Variants in SEMA5B observed in about 807,000 individuals in gnomAD.
SEMA5B encodes the protein semaphorin-5B.
SEMA5B carries 66 observed loss-of-function variants against 135.0 expected under a neutral mutation model. That is an observed-to-expected ratio of 0.49 (90% CI 0.40 to 0.60). The LOEUF (loss-of-function observed/expected upper bound fraction) is 0.60, where lower values mean the gene tolerates loss of function less well. Ranked by LOEUF, SEMA5B falls within the 20% of genes least tolerant of loss-of-function variation. The pLI is 0.00. For synonymous variants in SEMA5B, 690 were observed against 639.5 expected, an observed-to-expected ratio of 1.08 and a Z score of -1.19; for missense variants, 1,501 against 1,566.3, an observed-to-expected ratio of 0.96 and a Z score of 0.70.
intron 1 of SEMA5B, among the ~76,000 whole-genome samples, chr3:122,973,346 T>G (rs1247400799): frequency 6.6e-6 from 1 of 152,212 alleles, no homozygotes; most frequent in Non-Finnish European, 1.5e-5. Flanking sequence ...GGACATAAGC[T>G]AGTCCAACTC....
Position 122,923,754 on chromosome 3 carries a change from T to C in SEMA5B, c.1137-2A>G. The C allele has an allele frequency of 6.2e-7, 1 of 1,614,022 alleles. No individual in the cohort carries two copies. The highest frequency in any genetic ancestry group is 8.5e-7 in the Non-Finnish European group (1 of 1,179,966). On this transcript the variant is annotated splice_acceptor_variant, in intron 9 of 22. Coordinates refer to ENST00000357599, the MANE Select transcript of SEMA5B (RefSeq NM_001031702.4). LOFTEE classifies it high-confidence loss of function. ...ACAGCAGAAGCCGCGATGCTGTTTC[T>C]GAAAGGCAAGAAGTGGTGGCACAGG...
At chr3:122,951,210 A>C (rs768446585) in intron 2 of SEMA5B, among the ~76,000 whole-genome samples, 1 of 152,240 alleles carries the variant, frequency 6.6e-6, no homozygotes, top group Non-Finnish European at 1.5e-5. Flanking sequence ...AGCAAGATGC[A>C]GAACAGCTTA....
intron 2 of SEMA5B, among the ~76,000 whole-genome samples, chr3:122,959,562 A>G (rs1440305445): frequency 7.3e-6 from 1 of 137,726 alleles, no homozygotes; most frequent in Non-Finnish European, 1.5e-5. Context: ...AAGTCAACAC[A>G]CGGTAAGGAA....
intron 12 of SEMA5B, among the ~76,000 whole-genome samples, chr3:122,917,558 C>T (rs1387681399): frequency 6.6e-6 from 1 of 151,930 alleles, no homozygotes; most frequent in Non-Finnish European, 1.5e-5. Flanking sequence ...CATGTCAGGC[C>T]CCAGAGAAAA....
chr3:122,948,347 C>T (rs1939882335), intron 3 of SEMA5B, among the ~76,000 whole-genome samples, 159 bp downstream of exon 3: 1 of 152,212 alleles, frequency 6.6e-6, no homozygotes. Context: ...TTAAAACATC[C>T]AGCACCAGAG....
intron 1 of SEMA5B, among the ~76,000 whole-genome samples, chr3:122,983,887 C>T (rs1303360621): frequency 6.6e-6 from 1 of 152,064 alleles, no homozygotes. Flanking sequence ...TATCTTACCC[C>T]TGCTGTGGAA....
intron 1 of SEMA5B, among the ~76,000 whole-genome samples, chr3:122,972,460 G>T (rs1941160900): frequency 6.6e-6 from 1 of 152,100 alleles, no homozygotes; most frequent in Admixed American, 6.5e-5. Flanking sequence ...AACTCAGCCT[G>T]GATCAGTCAC....
At position 122,983,328 on chromosome 3, in the gene SEMA5B, A is replaced by T. The variant is rs1182703042; in HGVS notation, c.-38-22027T>A. 2.6e-5 allele frequency among the ~76,000 whole-genome samples: 4 copies of T among 151,950 alleles called. No individual in the cohort carries two copies. The South Asian group carries it at 8.3e-4, about 32-fold the overall frequency. On this transcript the variant is annotated intron_variant, in intron 1 of 22. Coordinates refer to ENST00000357599, the MANE Select transcript of SEMA5B (RefSeq NM_001031702.4). ...TGTCACTTATTTCTAGTATTCTAAA[A>T]TCCTGAACAATCTTTTTGCAGTCTA...
intron 12 of SEMA5B, among the ~76,000 whole-genome samples, chr3:122,921,614 G>C (rs1938348945): frequency 6.6e-6 from 1 of 152,210 alleles, no homozygotes; most frequent in Admixed American, 6.5e-5. Flanking sequence ...ATGGTTGACT[G>C]GCCCTAGCTA....
intron 1 of SEMA5B, among the ~76,000 whole-genome samples, chr3:122,993,955 G>A (rs2040315675): frequency 6.6e-6 from 1 of 151,696 alleles, no homozygotes; most frequent in South Asian, 2.1e-4. Context: ...CCCACCTCAA[G>A]CCCACCTGTC....
intron 1 of SEMA5B, among the ~76,000 whole-genome samples, chr3:123,018,935 C>G (rs1266064019): frequency 6.6e-6 from 1 of 152,132 alleles, no homozygotes; most frequent in Non-Finnish European, 1.5e-5. Flanking sequence ...CAGTGAGGAG[C>G]AAGAAAAGTT....
At chr3:122,992,620 C>A (rs893650018) in intron 1 of SEMA5B, among the ~76,000 whole-genome samples, 9 of 152,160 alleles carry the variant, frequency 5.9e-5, no homozygotes, top group Non-Finnish European at 1.2e-4. Context: ...CCTCCTCACC[C>A]CCTATTGGCC....
chr3:122,939,533 G>A, intron 4 of SEMA5B, 63 bp from the exon 5 acceptor site: 1 of 1,386,372 alleles, frequency 7.2e-7, no homozygotes, highest in Non-Finnish European at 1.0e-6. Flanking sequence ...CCAGGGAGCA[G>A]CCTCCTGGCT....
intron 1 of SEMA5B, among the ~76,000 whole-genome samples, chr3:122,962,443 A>G (rs1940628285): frequency 1.3e-5 from 2 of 152,208 alleles, no homozygotes; most frequent in South Asian, 2.1e-4. Flanking sequence ...TGTGGAAATG[A>G]CAGGCACAGG....
intron 1 of SEMA5B, among the ~76,000 whole-genome samples, chr3:123,015,825 C>A (rs185376657): frequency 6.6e-6 from 1 of 152,220 alleles, no homozygotes; most frequent in African/African-American, 2.4e-5. Context: ...AGGCAACCTG[C>A]AGCTCCAAAG....
chr3:122,997,886 A>G (rs947892493), intron 1 of SEMA5B, among the ~76,000 whole-genome samples: 1 of 152,020 alleles, frequency 6.6e-6, no homozygotes, highest in Admixed American at 6.5e-5. Flanking sequence ...GGGTCTTGTT[A>G]TAGTTTGTCT....
chr3:123,023,730 A>G (rs1942741046), intron 1 of SEMA5B, among the ~76,000 whole-genome samples: 1 of 152,262 alleles, frequency 6.6e-6, no homozygotes. Context: ...AAAACACCAC[A>G]GTAAATCACC....
chr3:122,923,656 A>G lies in SEMA5B; in HGVS notation c.1233T>C (p.Ala411=). 6.2e-7 allele frequency: 1 copy of G among 1,614,118 alleles called. No individual in the cohort carries two copies. The highest frequency in any genetic ancestry group is 8.5e-7 in the Non-Finnish European group (1 of 1,179,960). ...TGGGGTTGGCTATGGGGAGCCAGGCAGCCCTGGGGTTCTCCTGGTAGCGAA... is the reference window on the plus strand; with the variant it reads ...TGGGGTTGGCTATGGGGAGCCAGGCGGCCCTGGGGTTCTCCTGGTAGCGAA... The part of the protein sequence containing the change: ...GPFRYQENPR[A]AWLPIANPIP... The change falls in exon 10 of 23, where the codon GCT becomes GCC. Residue 411 remains alanine (A), a synonymous_variant. Coordinates refer to ENST00000357599, the MANE Select transcript of SEMA5B (RefSeq NM_001031702.4).
chr3:123,012,113 G>A (rs561610938), intron 1 of SEMA5B, among the ~76,000 whole-genome samples: 1 of 152,310 alleles, frequency 6.6e-6, no homozygotes, highest in South Asian at 2.1e-4. Context: ...GTTGTGAGAT[G>A]TTAGGCAAGT....
Sources: gnomAD v4.1 joint callset for allele counts (sites outside exome capture counted in the v4.1 genomes callset) on GRCh38, gnomAD v4.1.1 for gene constraint, MANE v1.5 for transcripts, NCBI Gene and HGNC (gene_info 2026-07-23, HGNC 2026-07-21) for gene names.